The following SYN3 variants were observed in gnomAD, a reference collection of about 807,000 sequenced individuals.
SYN3 encodes the protein synapsin-3.
In SYN3, 35 loss-of-function variants were observed where a neutral mutation model predicts 65.8. That is an observed-to-expected ratio of 0.53 (90% confidence interval 0.41 to 0.70). The LOEUF is 0.70. Ranked by LOEUF, SYN3 falls within the 30% of genes least tolerant of loss-of-function variation. The pLI is 0.00. For missense variants in SYN3, 680 were observed against 749.0 expected (o/e 0.91, Z 1.08); for synonymous variants, 270 against 292.9 (o/e 0.92, Z 0.80).
intron 1 of SYN3, among the ~76,000 whole-genome samples, chr22:33,047,140 G>A (rs189733203): frequency 1.2e-4 from 18 of 151,970 alleles, no homozygotes; most frequent in East Asian, 9.7e-4. Context: ...ATACTGTTTC[G>A]TTTTTCTTCA....
chr22:32,631,903 T>A (rs1375309512), intron 6 of SYN3, among the ~76,000 whole-genome samples: 2 of 152,168 alleles, frequency 1.3e-5, no homozygotes, highest in South Asian at 4.1e-4. Flanking sequence ...CCAGAGCCCT[T>A]TTATGTCACC....
At chr22:32,676,399 T>C (rs1163563200) in intron 6 of SYN3, among the ~76,000 whole-genome samples, 1 of 151,792 alleles carries the variant, frequency 6.6e-6, no homozygotes, top group Non-Finnish European at 1.5e-5. Flanking sequence ...TCCTAGGGAG[T>C]TTCCCTATCT....
chr22:32,858,208 A>G (rs1033937196), intron 6 of SYN3: 8 of 1,596,048 alleles, frequency 5.0e-6, no homozygotes, highest in South Asian at 3.4e-5. Flanking sequence ...TCAGCTCCCA[A>G]TGCACTGGGT....
intron 6 of SYN3, among the ~76,000 whole-genome samples, chr22:32,727,547 T>C (rs2061212751): frequency 6.6e-6 from 1 of 152,240 alleles, no homozygotes; most frequent in African/African-American, 2.4e-5. Context: ...TATTTCTGCC[T>C]CCAGGTTTTT....
At chr22:32,897,395 G>A (rs1256027794) in intron 4 of SYN3, among the ~76,000 whole-genome samples, 1 of 152,146 alleles carries the variant, frequency 6.6e-6, no homozygotes, top group Non-Finnish European at 1.5e-5. Flanking sequence ...CTGGGAACTG[G>A]GTCCTTGCCT....
At chr22:32,933,564 G>A (rs2050694442) in intron 3 of SYN3, among the ~76,000 whole-genome samples, 1 of 152,140 alleles carries the variant, frequency 6.6e-6, no homozygotes, top group Admixed American at 6.5e-5. Flanking sequence ...GAGTAGCTGG[G>A]ATTACAGGTA....
chr22:32,517,963 A>G lies in SYN3; in HGVS notation c.1610+80T>C, dbSNP rs900493537. Reference sequence around the variant, plus strand: ...CTCGTTGGGTCTTCCTTTGTCTCCAAGTCCCTAACCCTGAATCAGCCAAGC... The same window carrying G: ...CTCGTTGGGTCTTCCTTTGTCTCCAGGTCCCTAACCCTGAATCAGCCAAGC... On this transcript the variant is annotated intron_variant, in intron 13 of 13. Transcript: ENST00000358763. The G allele has an allele frequency of 8.7e-6, 12 of 1,374,054 alleles. No individual in the cohort carries two copies. In the African/African-American group the frequency reaches 1.6e-4, roughly 18 times the overall value. The allele number at this position is 1,374,054 out of a possible 1,614,324, so 85.1% of individuals were successfully genotyped here.
intron 6 of SYN3, among the ~76,000 whole-genome samples, chr22:32,736,969 A>G (rs2061343372): frequency 6.6e-6 from 1 of 152,158 alleles, no homozygotes; most frequent in Non-Finnish European, 1.5e-5. Context: ...GCAAGCAGAC[A>G]GACCTCTCTG....
intron 6 of SYN3, among the ~76,000 whole-genome samples, chr22:32,725,011 T>C (rs1025148540): frequency 1.3e-5 from 2 of 152,134 alleles, no homozygotes; most frequent in African/African-American, 2.4e-5. Context: ...TCCCAGCTAC[T>C]TGGGAGACTG....
intron 6 of SYN3, among the ~76,000 whole-genome samples, chr22:32,751,434 A>G (rs1212882493): frequency 6.6e-6 from 1 of 152,130 alleles, no homozygotes; most frequent in African/African-American, 2.4e-5. Context: ...TGCCCCTCCA[A>G]TGTTCCCCTG....
At chr22:32,812,773 C>G (rs982022729) in intron 6 of SYN3, among the ~76,000 whole-genome samples, 4 of 152,250 alleles carry the variant, frequency 2.6e-5, no homozygotes, top group Admixed American at 2.6e-4. Flanking sequence ...ATTTGGAAGA[C>G]TTAGATCAAA....
intron 6 of SYN3, among the ~76,000 whole-genome samples, chr22:32,757,058 G>GT (rs1569200055): frequency 4.2e-3 from 21 of 4,944 alleles, no homozygotes; most frequent in Admixed American, 0.037. Flanking sequence ...ACTTTTTTTT[G>GT]AGGGGGGGTG....
At chr22:32,993,429 C>T (rs1256811895) in intron 2 of SYN3, among the ~76,000 whole-genome samples, 1 of 152,208 alleles carries the variant, frequency 6.6e-6, no homozygotes, top group Non-Finnish European at 1.5e-5. Flanking sequence ...GATCTCGGCT[C>T]ACTGCAAACT....
At position 32,557,614 on chromosome 22, in the gene SYN3, A is replaced by G. The variant is rs540713751; in HGVS notation, c.775-15901T>C. On this transcript the variant is annotated intron_variant, in intron 7 of 13. Transcript: ENST00000358763. The stretch of plus-strand genomic sequence containing the variant: ...CCCTGTCTCTGTAAACAACTATAAA[A>G]CTGGAAATAATTTATGAGCCAACTG... Among the ~76,000 whole-genome samples, 209 of 152,292 alleles carry G rather than the reference A, an allele frequency of 1.4e-3. 1 individual carries two copies. The highest frequency in any genetic ancestry group is 0.014 in the Middle Eastern group (4 of 294).
At chr22:32,652,137 G>A (rs192582034) in intron 6 of SYN3, among the ~76,000 whole-genome samples, 2 of 152,226 alleles carry the variant, frequency 1.3e-5, no homozygotes, top group African/African-American at 4.8e-5. Flanking sequence ...GTATTTACCC[G>A]TAGGGTCATC....
intron 1 of SYN3, among the ~76,000 whole-genome samples, chr22:33,021,456 A>G: frequency 6.6e-6 from 1 of 152,198 alleles, no homozygotes; most frequent in Non-Finnish European, 1.5e-5. Flanking sequence ...GTAGTGTTTC[A>G]CAGCCTAACA....
chr22:32,685,028 G>A (rs1665187076), intron 6 of SYN3, among the ~76,000 whole-genome samples: 1 of 152,140 alleles, frequency 6.6e-6, no homozygotes, highest in Non-Finnish European at 1.5e-5. Flanking sequence ...TTGGGACACA[G>A]CCATGCCCCA....
intron 6 of SYN3, among the ~76,000 whole-genome samples, chr22:32,805,871 G>C (rs1466784523): frequency 2.0e-5 from 3 of 151,802 alleles, no homozygotes; most frequent in African/African-American, 4.8e-5. Flanking sequence ...TCTACATCTG[G>C]GTTTTCTTTA....
At chr22:32,702,088 A>C (rs1196248996) in intron 6 of SYN3, among the ~76,000 whole-genome samples, 1 of 152,232 alleles carries the variant, frequency 6.6e-6, no homozygotes, top group African/African-American at 2.4e-5. Flanking sequence ...CAACAAATCT[A>C]ATTATTTACG....
Sources: gnomAD v4.1 joint callset for allele counts (sites outside exome capture counted in the v4.1 genomes callset) on GRCh38, gnomAD v4.1.1 for gene constraint, MANE v1.5 for transcripts, NCBI Gene and HGNC (gene_info 2026-07-23, HGNC 2026-07-21) for gene names.